Variants in RELL1 observed in about 807,000 individuals in gnomAD.
The protein encoded by RELL1 is RELT-like protein 1.
A neutral mutation model predicts 23.0 loss-of-function variants in RELL1; 10 were observed. That is an observed-to-expected ratio of 0.43 (90% CI 0.27 to 0.74). RELL1 has a LOEUF of 0.74. RELL1 is among the 30% of genes least tolerant of loss of function. The pLI is 0.19. For missense variants in RELL1, 315 were observed against 364.4 expected (o/e 0.86, Z 1.10); for synonymous variants, 146 against 146.8 (o/e 0.99, Z 0.04).
chr4:37,657,837 A>G (rs1721179793), intron 1 of RELL1, among the ~76,000 whole-genome samples: 1 of 152,144 alleles, frequency 6.6e-6, no homozygotes, highest in African/African-American at 2.4e-5. Context: ...AAATGAGGCC[A>G]GGAGGTGGAG....
intron 6 of RELL1, among the ~76,000 whole-genome samples, chr4:37,605,488 T>C (rs907562185): frequency 1.3e-5 from 2 of 152,058 alleles, no homozygotes; most frequent in Admixed American, 6.6e-5. Flanking sequence ...GGACCTGTAA[T>C]CCTAGCACTT....
chr4:37,597,116 C>T (rs1218700832), intron 6 of RELL1, among the ~76,000 whole-genome samples: 1 of 152,040 alleles, frequency 6.6e-6, no homozygotes, highest in African/African-American at 2.4e-5. Context: ...TAATATAAGC[C>T]CACTTGCAAA....
intron 6 of RELL1, among the ~76,000 whole-genome samples, chr4:37,592,090 C>A (rs1718638736): frequency 6.6e-6 from 1 of 151,762 alleles, no homozygotes; most frequent in Admixed American, 6.6e-5. Flanking sequence ...CGCCTGTAAT[C>A]CCAGCTACTT....
intron 6 of RELL1, among the ~76,000 whole-genome samples, chr4:37,619,051 G>T (rs1719678111): frequency 6.6e-6 from 1 of 151,458 alleles, no homozygotes; most frequent in Admixed American, 6.6e-5. Flanking sequence ...AGCTATTTTT[G>T]TATTTTTAAT....
intron 3 of RELL1, among the ~76,000 whole-genome samples, chr4:37,641,445 A>G (rs1021987856): frequency 2.0e-5 from 3 of 152,216 alleles, no homozygotes; most frequent in African/African-American, 7.2e-5. Flanking sequence ...GTTACCATAA[A>G]AGAGCAATAC....
chr4:37,607,644 A>G (rs893422333), downstream of RELL1, among the ~76,000 whole-genome samples: 4 of 149,320 alleles, frequency 2.7e-5, no homozygotes, highest in African/African-American at 9.9e-5. Context: ...CAGCGGCACA[A>G]TCTCAGCTCA....
At chr4:37,662,847 G>C (rs528337108) in intron 1 of RELL1, among the ~76,000 whole-genome samples, 201 of 151,498 alleles carry the variant, frequency 1.3e-3, no homozygotes, top group Non-Finnish European at 2.1e-3. Flanking sequence ...CCGGTGTCTT[G>C]AGAGGCCAAG....
chr4:37,666,243 T>C (rs1013479072), intron 1 of RELL1, among the ~76,000 whole-genome samples: 1 of 152,194 alleles, frequency 6.6e-6, no homozygotes, highest in African/African-American at 2.4e-5. Context: ...AAGTCACTCA[T>C]CTGGGAAATG....
intron 1 of RELL1, chr4:37,665,441 G>T: frequency 1.9e-5 from 7 of 374,500 alleles, no homozygotes; most frequent in South Asian, 1.4e-4. Flanking sequence ...TGGGGAACTA[G>T]CTCTCAACTG....
intron 6 of RELL1, among the ~76,000 whole-genome samples, chr4:37,603,200 G>A (rs1252517683): frequency 6.6e-6 from 1 of 152,174 alleles, no homozygotes; most frequent in Non-Finnish European, 1.5e-5. Flanking sequence ...AGGGAGCGAA[G>A]GGCCAGCTCT....
intron 6 of RELL1, among the ~76,000 whole-genome samples, chr4:37,592,978 T>C (rs1718688739): frequency 6.6e-6 from 1 of 152,268 alleles, no homozygotes; most frequent in East Asian, 1.9e-4. Context: ...TTCCAGCACC[T>C]TTAAGGACGG....
chr4:37,605,848 A>AAAAG, downstream of RELL1, among the ~76,000 whole-genome samples: 1 of 107,144 alleles, frequency 9.3e-6, no homozygotes, highest in Non-Finnish European at 2.3e-5. Flanking sequence ...AGAAAGAAGG[A>AAAAG]AAAGAAAAGA....
At chr4:37,607,489 CTTGTTTGTTTT>C (rs1247949909), downstream of RELL1, among the ~76,000 whole-genome samples, 6 of 151,576 alleles carry the variant, frequency 4.0e-5, no homozygotes, top group East Asian at 1.2e-3. Context: ...GTAGGGTTTT[CTTGTTTGTTTT>C]TGTTTTGTTT....
chr4:37,680,573 T>A (rs890920841), intron 1 of RELL1, among the ~76,000 whole-genome samples: 1 of 152,114 alleles, frequency 6.6e-6, no homozygotes, highest in African/African-American at 2.4e-5. Flanking sequence ...ACTGAAAAAG[T>A]CATGATACAA....
intron 6 of RELL1, among the ~76,000 whole-genome samples, chr4:37,614,149 G>T (rs1306250275): frequency 2.0e-5 from 3 of 152,198 alleles, no homozygotes; most frequent in African/African-American, 7.2e-5. Context: ...GAAGTTGCTA[G>T]AAGTGTTTTG....
At chr4:37,586,868 C>A (rs1170684061), downstream of RELL1, among the ~76,000 whole-genome samples, 2 of 152,172 alleles carry the variant, frequency 1.3e-5, no homozygotes, top group Non-Finnish European at 2.9e-5. Context: ...CGAGATTGTG[C>A]CATTGCACTC....
intron 3 of RELL1, among the ~76,000 whole-genome samples, chr4:37,641,245 A>ACC (rs1720522832): frequency 6.6e-6 from 1 of 152,038 alleles, no homozygotes; most frequent in Admixed American, 6.5e-5. Context: ...ACACACACAC[A>ACC]CCCACATGCA....
chr4:37,593,130 T>G (rs1259511981), intron 6 of RELL1, among the ~76,000 whole-genome samples: 1 of 152,226 alleles, frequency 6.6e-6, no homozygotes, highest in Non-Finnish European at 1.5e-5. Flanking sequence ...TAGAGGTATG[T>G]CTCCTTTTGT....
At chr4:37,634,005 T>C (rs1720231113) in intron 5 of RELL1, among the ~76,000 whole-genome samples, 1 of 152,250 alleles carries the variant, frequency 6.6e-6, no homozygotes, top group Non-Finnish European at 1.5e-5. Context: ...CACTCCAGCA[T>C]GTGTGTTCCT....
Sources: allele counts gnomAD v4.1 joint callset (sites outside exome capture counted in the v4.1 genomes callset), GRCh38; gene constraint gnomAD v4.1.1; transcripts MANE v1.5; gene names NCBI Gene and HGNC (gene_info 2026-07-23, HGNC 2026-07-21).